Variants in LRP1B observed in about 807,000 individuals in gnomAD.
The protein encoded by LRP1B is low-density lipoprotein receptor-related protein 1B.
LRP1B carries 217 observed loss-of-function variants against 556.6 expected under a neutral mutation model. That is an observed-to-expected ratio of 0.39 (90% confidence interval 0.35 to 0.44). The LOEUF is 0.44. LRP1B is among the 20% of genes least tolerant of loss of function. The pLI is 1.00. For synonymous variants in LRP1B, 2,047 were observed against 1,865.8 expected (o/e 1.10, Z -2.50); for missense variants, 5,053 against 5,620.8 (o/e 0.90, Z 3.23).
chr2:140,542,449 T>C lies in LRP1B; in HGVS notation c.7195-478A>G, dbSNP rs141611103. On this transcript the variant is annotated intron_variant, in intron 43 of 90. Transcript: ENST00000389484. Reference sequence around the variant, plus strand: ...AGTGACTAAACTAGTTGCACATGTCTGAGAATAAAAGTTTAGAAGTAAAGA... The same window carrying C: ...AGTGACTAAACTAGTTGCACATGTCCGAGAATAAAAGTTTAGAAGTAAAGA... 5.3e-5 allele frequency among the ~76,000 whole-genome samples: 8 copies of C among 152,246 alleles called. 1 individual carries two copies. In the East Asian group the frequency reaches 1.5e-3, roughly 29 times the overall value.
intron 35 of LRP1B, among the ~76,000 whole-genome samples, chr2:140,726,780 G>A (rs961178698): frequency 6.6e-6 from 1 of 151,824 alleles, no homozygotes; most frequent in Non-Finnish European, 1.5e-5. Context: ...AAATATACAA[G>A]TGTAATATGT....
chr2:140,572,599 A>G (rs1039968213), intron 43 of LRP1B, among the ~76,000 whole-genome samples: 3 of 151,818 alleles, frequency 2.0e-5, no homozygotes, highest in South Asian at 2.1e-4. Context: ...TAGAGTTACT[A>G]TATGAACCAG....
At chr2:141,580,535 T>C (rs997996678) in intron 2 of LRP1B, among the ~76,000 whole-genome samples, 4 of 152,068 alleles carry the variant, frequency 2.6e-5, no homozygotes, top group Non-Finnish European at 5.9e-5. Context: ...ATGCTCCAAA[T>C]ATGTGAGGAC....
chr2:142,084,055 C>G (rs936746521), intron 1 of LRP1B, among the ~76,000 whole-genome samples: 4 of 151,364 alleles, frequency 2.6e-5, no homozygotes, highest in Non-Finnish European at 5.9e-5. Context: ...TCTTGGCTCG[C>G]TGCAACCTCC....
intron 11 of LRP1B, among the ~76,000 whole-genome samples, chr2:141,029,786 G>T (rs1021219317): frequency 1.3e-5 from 2 of 152,094 alleles, no homozygotes; most frequent in African/African-American, 2.4e-5. Context: ...GTGGCGGCAG[G>T]TTTATTCCCC....
chr2:141,701,575 C>T (rs11885368), intron 2 of LRP1B, among the ~76,000 whole-genome samples: 54,497 of 151,696 alleles, frequency 0.36, 10,329 homozygotes, highest in East Asian at 0.59. Flanking sequence ...GTTACTGCTA[C>T]CCCCAAGAAC....
intron 1 of LRP1B, among the ~76,000 whole-genome samples, chr2:141,865,604 A>G (rs1326548195): frequency 7.7e-6 from 1 of 130,390 alleles, no homozygotes; most frequent in Non-Finnish European, 1.8e-5. Context: ...AAAAAAAAAA[A>G]AAAGAAAAAA....
chr2:140,645,791 G>T lies in LRP1B; in HGVS notation c.6800-44152C>A, dbSNP rs1453451931. ...CTGAACTCGTGATCCGCCCGCCTCG[G>T]CCTCCCAAAGTGCTGGGATTACAAG... On this transcript the variant is annotated intron_variant, in intron 41 of 90. Coordinates refer to ENST00000389484, the MANE Select transcript of LRP1B (RefSeq NM_018557.3). 3.3e-5 allele frequency among the ~76,000 whole-genome samples: 5 copies of T among 151,804 alleles called. No homozygotes were observed. In the East Asian group the frequency reaches 9.7e-4, roughly 29 times the overall value.
At chr2:141,094,100 G>A (rs1362572809) in intron 7 of LRP1B, among the ~76,000 whole-genome samples, 2 of 152,046 alleles carry the variant, frequency 1.3e-5, no homozygotes, top group African/African-American at 2.4e-5. Context: ...AACTTAACAA[G>A]ATCCTCAAAG....
intron 1 of LRP1B, among the ~76,000 whole-genome samples, chr2:142,122,131 C>T (rs72852610): frequency 6.6e-6 from 1 of 152,002 alleles, no homozygotes; most frequent in South Asian, 2.1e-4. Context: ...TTCTGTAAAA[C>T]TCTGGTGGTG....
intron 43 of LRP1B, among the ~76,000 whole-genome samples, chr2:140,590,089 A>C (rs1209174304): frequency 6.6e-6 from 1 of 152,034 alleles, no homozygotes; most frequent in Non-Finnish European, 1.5e-5. Flanking sequence ...AAAATGTTTA[A>C]TTAAAAATTC....
At chr2:140,539,977 T>G (rs1438018358) in intron 45 of LRP1B, among the ~76,000 whole-genome samples, 1 of 152,124 alleles carries the variant, frequency 6.6e-6, no homozygotes, top group East Asian at 1.9e-4. Flanking sequence ...TGAGAAAATA[T>G]GTCTATGTTA....
chr2:141,989,460 T>C (rs1026378082), intron 1 of LRP1B, among the ~76,000 whole-genome samples: 2 of 152,096 alleles, frequency 1.3e-5, no homozygotes, highest in African/African-American at 4.8e-5. Flanking sequence ...GAAAGTTTAT[T>C]TTTAATATTA....
intron 7 of LRP1B, among the ~76,000 whole-genome samples, chr2:141,089,933 A>G (rs986832862): frequency 1.3e-5 from 2 of 152,240 alleles, no homozygotes; most frequent in Admixed American, 1.3e-4. Flanking sequence ...GCCTCCAAGA[A>G]TATGATAGTG....
chr2:141,624,985 G>C lies in LRP1B; in HGVS notation c.206-144452C>G, dbSNP rs1023405136. Among the ~76,000 whole-genome samples the C allele has an allele frequency of 2.0e-5, 3 of 151,926 alleles. No individual in the cohort carries two copies. The South Asian group carries it at 6.2e-4, about 31-fold the overall frequency. On this transcript the variant is annotated intron_variant, in intron 2 of 90. Transcript: ENST00000389484. ...GGGTTTCACTGTGTTAGCCAGGATGGTCTCGATCTCCTGACCTCGTGATCC... is the reference window on the plus strand; with the variant it reads ...GGGTTTCACTGTGTTAGCCAGGATGCTCTCGATCTCCTGACCTCGTGATCC...
chr2:140,811,399 T>C (rs1444786176), intron 32 of LRP1B, among the ~76,000 whole-genome samples: 1 of 152,218 alleles, frequency 6.6e-6, no homozygotes, highest in Non-Finnish European at 1.5e-5. Flanking sequence ...TCAGCAGCAA[T>C]ATTAGCAGAA....
At chr2:140,371,401 T>C in intron 69 of LRP1B, 116 bp from the exon 70 acceptor site, 1 of 468,496 alleles carries the variant, frequency 2.1e-6, no homozygotes, top group East Asian at 3.5e-5. Flanking sequence ...TAGTTTATAC[T>C]ATATAACGAC....
intron 3 of LRP1B, among the ~76,000 whole-genome samples, chr2:141,261,709 A>G (rs950144713): frequency 6.6e-6 from 1 of 150,386 alleles, no homozygotes; most frequent in Non-Finnish European, 1.5e-5. Flanking sequence ...TATTATTGTT[A>G]GTATTAGGTA....
intron 1 of LRP1B, among the ~76,000 whole-genome samples, chr2:141,974,551 T>C (rs772956097): frequency 2.0e-5 from 3 of 152,002 alleles, no homozygotes; most frequent in Non-Finnish European, 4.4e-5. Flanking sequence ...AGAAACTAGT[T>C]TGGGGCCTGA....
Sources: allele counts gnomAD v4.1 joint callset (sites outside exome capture counted in the v4.1 genomes callset), GRCh38; gene constraint gnomAD v4.1.1; transcripts MANE v1.5; gene names NCBI Gene and HGNC (gene_info 2026-07-23, HGNC 2026-07-21).